Variants in BLZF1 observed in about 807,000 individuals in gnomAD.
BLZF1 encodes the protein basic leucine zipper nuclear factor 1, also known as golgin-45.
Under a neutral mutation model 43.8 loss-of-function variants are expected in BLZF1, and 39 were observed. The observed-to-expected ratio is 0.89, with a 90% CI of 0.69 to 1.16. The LOEUF (loss-of-function observed/expected upper bound fraction) is 1.16, where lower values mean the gene tolerates loss of function less well. Among genes scored for constraint, BLZF1 ranks in the 50% most tolerant of loss-of-function variants. BLZF1 has a pLI of 0.00. For synonymous variants in BLZF1, 136 were observed against 159.4 expected, an observed-to-expected ratio of 0.85 and a Z score of 1.11; for missense variants, 449 against 469.8, an observed-to-expected ratio of 0.96 and a Z score of 0.41.
intron 6 of BLZF1, among the ~76,000 whole-genome samples, chr1:169,386,445 C>T (rs1392859203): frequency 2.0e-5 from 3 of 151,796 alleles, no homozygotes; most frequent in African/African-American, 7.3e-5. Flanking sequence ...CCTGGGGGGC[C>T]GAGGCAGGCA....
intron 4 of BLZF1, among the ~76,000 whole-genome samples, chr1:169,379,913 A>G (rs1654473095): frequency 6.6e-6 from 1 of 151,968 alleles, no homozygotes; most frequent in South Asian, 2.1e-4. Context: ...CGTATTCAGT[A>G]TCTCTTTTTG....
At chr1:169,383,897 T>C (rs989245690) in intron 6 of BLZF1, among the ~76,000 whole-genome samples, 3 of 152,146 alleles carry the variant, frequency 2.0e-5, no homozygotes, top group Non-Finnish European at 1.5e-5. Flanking sequence ...CTCTTGAGCT[T>C]TCTTTACATA....
rs755804345 is a variant in BLZF1 at position 169,376,643 on chromosome 1, T to A, written c.132T>A (p.His44Gln). 1 of 1,613,310 alleles carries A rather than the reference T, an allele frequency of 6.2e-7. No individual in the cohort carries two copies. The highest frequency in any genetic ancestry group is 1.7e-5 in the Admixed American group (1 of 59,872). The change falls in exon 3 of 7, where the codon CAT (histidine) becomes CAA (glutamine). Residue 44 changes from histidine to glutamine, a missense_variant. Coordinates refer to ENST00000367808, the MANE Select transcript of BLZF1 (RefSeq NM_001320973.2). ...EVTSGVQSRKHHSLQSPWKKA... is the reference protein window; with the variant it reads ...EVTSGVQSRKQHSLQSPWKKA... ...CCTCCGGAGTCCAATCTAGAAAGCA[T>A]CATAGTCTTCAGAGTCCATGGAAGA... is the stretch of plus-strand genomic sequence containing the variant.
chr1:169,395,344 TA>T (rs1487781116), intron 7 of BLZF1: 2 of 707,456 alleles, frequency 2.8e-6, no homozygotes, highest in Non-Finnish European at 4.2e-6. Context: ...TTTTAAGTAT[TA>T]ACTGAAAAAT....
intron 7 of BLZF1, among the ~76,000 whole-genome samples, chr1:169,393,705 G>A (rs989291184): frequency 6.6e-6 from 1 of 151,690 alleles, no homozygotes; most frequent in Non-Finnish European, 1.5e-5. Context: ...GGGTTCAAGC[G>A]ATTCTCATGC....
At chr1:169,390,591 T>C (rs1465859473), downstream of BLZF1, among the ~76,000 whole-genome samples, 1 of 152,150 alleles carries the variant, frequency 6.6e-6, no homozygotes, top group African/African-American at 2.4e-5. Context: ...TAGTCCACTC[T>C]CATGGTGCTA....
intron 4 of BLZF1, among the ~76,000 whole-genome samples, chr1:169,380,086 C>T (rs12036988): frequency 0.53 from 80,439 of 150,934 alleles, 22,184 homozygotes; most frequent in Non-Finnish European, 0.6. Context: ...TAATATTTTT[C>T]TGGGGGCAAA....
Position 169,378,495 on chromosome 1 carries a change from T to TG in BLZF1, c.635dup (p.Cys212TrpfsTer2). On this transcript the variant is annotated frameshift_variant, in exon 4 of 7. Transcript: ENST00000367808. LOFTEE classifies it high-confidence loss of function. ...ACAGTTAGAACGTATGTCAATACAGTGTGATGTATGGCGAAGTAAATTCCT... is the reference window on the plus strand; with the variant it reads ...ACAGTTAGAACGTATGTCAATACAGTGGTGATGTATGGCGAAGTAAATTCCT... The TG allele has an allele frequency of 6.2e-7, 1 of 1,612,626 alleles. No homozygotes were observed. The highest frequency in any genetic ancestry group is 8.5e-7 in the Non-Finnish European group (1 of 1,178,944).
intron 6 of BLZF1, 74 bp from the exon 7 acceptor site, chr1:169,386,923 G>A (rs1160289437): frequency 9.7e-7 from 1 of 1,032,160 alleles, no homozygotes; most frequent in Admixed American, 2.4e-5. Flanking sequence ...TTATAGGTAG[G>A]TATACATCAA....
intron 2 of BLZF1, among the ~76,000 whole-genome samples, chr1:169,376,213 A>G (rs913237378): frequency 6.6e-6 from 1 of 152,066 alleles, no homozygotes; most frequent in Admixed American, 6.6e-5. Flanking sequence ...TTTTCTTACC[A>G]AAATTCTATA....
At chr1:169,373,023 A>T (rs750874804) in intron 2 of BLZF1, among the ~76,000 whole-genome samples, 17 of 152,062 alleles carry the variant, frequency 1.1e-4, no homozygotes, top group Admixed American at 3.9e-4. Context: ...TCATCAATAA[A>T]TTTTTTTTCT....
chr1:169,382,231 C>G lies in BLZF1; in HGVS notation c.967C>G (p.Pro323Ala). ...TGGCATTAACAATCAAAAAAAGATT[C>G]CATCAACAGTTGAATTCTGCAGCAC... Reference protein sequence around the residue: ...NVGINNQKKIPSTVEFCSTPA... With the variant: ...NVGINNQKKIASTVEFCSTPA... Residue 323 changes from proline (P) to alanine (A), a missense_variant, in exon 6 of 7, where the codon CCA (proline) becomes GCA (alanine). Pro to Ala is a conservative substitution (Grantham distance 27). Coordinates refer to ENST00000367808, the MANE Select transcript of BLZF1 (RefSeq NM_001320973.2). 6.2e-7 allele frequency: 1 copy of G among 1,613,724 alleles called. No homozygotes were observed. Among genetic ancestry groups the G allele is most frequent in the South Asian group, 1.1e-5 (1 of 91,072 alleles).
chr1:169,384,289 G>A (rs1654610022), intron 6 of BLZF1, among the ~76,000 whole-genome samples: 1 of 152,088 alleles, frequency 6.6e-6, no homozygotes, highest in Non-Finnish European at 1.5e-5. Flanking sequence ...TGATTTTACA[G>A]ATCTTACCAG....
chr1:169,376,243 C>T (rs12564884), intron 2 of BLZF1, among the ~76,000 whole-genome samples: 81,101 of 151,744 alleles, frequency 0.53, 22,492 homozygotes, highest in Non-Finnish European at 0.6. Flanking sequence ...TTATGATCTC[C>T]GTTTTGCAAA....
chr1:169,377,230 G>T, intron 3 of BLZF1: 1 of 449,610 alleles, frequency 2.2e-6, no homozygotes. Flanking sequence ...CCAATAAGTT[G>T]TAAAAGTAGG....
chr1:169,377,140 C>T (rs1338969321), intron 3 of BLZF1, 161 bp downstream of exon 3: 1 of 658,484 alleles, frequency 1.5e-6, no homozygotes, highest in Non-Finnish European at 2.6e-6. Flanking sequence ...TTTCTCAGTT[C>T]TCTAGGGATA....
chr1:169,377,347 A>T, intron 3 of BLZF1: 1 of 219,204 alleles, frequency 4.6e-6, no homozygotes, highest in Non-Finnish European at 8.9e-6. Context: ...TTGCTTGTGT[A>T]TACGGGATAC....
At chr1:169,386,911 C>T in intron 6 of BLZF1, 86 bp from the exon 7 acceptor site, 2 of 928,214 alleles carry the variant, frequency 2.2e-6, no homozygotes, top group South Asian at 1.8e-5. Flanking sequence ...TGAAGTGAAA[C>T]TTTATAGGTA....
intron 2 of BLZF1, among the ~76,000 whole-genome samples, chr1:169,374,843 C>T (rs188741909): frequency 4.6e-5 from 7 of 152,104 alleles, no homozygotes; most frequent in Admixed American, 4.6e-4. Flanking sequence ...AGCAATAGGA[C>T]CTAACATTTA....
Sources: gnomAD v4.1 joint callset for allele counts (sites outside exome capture counted in the v4.1 genomes callset) on GRCh38, gnomAD v4.1.1 for gene constraint, MANE v1.5 for transcripts, NCBI Gene and HGNC (gene_info 2026-07-23, HGNC 2026-07-21) for gene names.